ITGA2: variants seen among roughly 807,000 people sequenced by gnomAD.
ITGA2 encodes integrin alpha-2.
In ITGA2, 101 loss-of-function variants were observed where a neutral mutation model predicts 146.3. The ratio of observed to expected loss-of-function variants is 0.69; its 90% CI spans 0.59 to 0.81. The LOEUF is 0.81. Among genes scored for constraint, ITGA2 ranks in the 40% least tolerant of loss-of-function variants. ITGA2 has a pLI of 0.00. For missense variants in ITGA2, 1,281 were observed against 1,402.7 expected (o/e 0.91, Z 1.39); for synonymous variants, 477 against 487.1 (o/e 0.98, Z 0.27).
chr5:53,060,133 T>C (rs1213585377), intron 11 of ITGA2, 121 bp downstream of exon 11: 11 of 1,017,594 alleles, frequency 1.1e-5, no homozygotes. Flanking sequence ...ATCATATTTA[T>C]TACACATACA....
At chr5:53,016,111 G>C (rs1456019361) in intron 1 of ITGA2, among the ~76,000 whole-genome samples, 1 of 152,124 alleles carries the variant, frequency 6.6e-6, no homozygotes, top group African/African-American at 2.4e-5. Flanking sequence ...GATTTGTGCG[G>C]ATTTGATCCT....
At chr5:53,011,793 C>A (rs1299080053) in intron 1 of ITGA2, among the ~76,000 whole-genome samples, 1 of 151,706 alleles carries the variant, frequency 6.6e-6, no homozygotes, top group Non-Finnish European at 1.5e-5. Context: ...ACCAAGAAAA[C>A]CCGGACTCAG....
Position 53,093,731 on chromosome 5 carries a change from G to T in ITGA2, c.*3132G>T, listed in dbSNP as rs1304154575. The T allele has an allele frequency of 2.0e-5, 3 of 152,426 alleles. No individual in the cohort carries two copies. Among genetic ancestry groups the T allele is most frequent in the Admixed American group, 6.5e-5 (1 of 15,288 alleles). The allele number at this position is 152,426 out of a possible 1,614,324, so 9.4% of individuals were successfully genotyped here. ...TTAAAAGTAAGTAGAGGGCATAAAA[G>T]ATGTCATATTCAAATTTCCATTTCA... is the stretch of plus-strand genomic sequence containing the variant. On this transcript the variant is annotated 3_prime_UTR_variant, in exon 30 of 30. Coordinates refer to ENST00000296585, the MANE Select transcript of ITGA2 (RefSeq NM_002203.4).
intron 11 of ITGA2, 103 bp from the exon 12 acceptor site, chr5:53,060,798 A>T: frequency 9.0e-7 from 1 of 1,105,362 alleles, no homozygotes. Flanking sequence ...ACTTTGCATC[A>T]CATCTAACAC....
chr5:53,081,518 T>C, intron 25 of ITGA2, 74 bp from the exon 26 acceptor site: 1 of 1,171,742 alleles, frequency 8.5e-7, no homozygotes. Flanking sequence ...GACAGTAGGA[T>C]TTCCTAACAT....
intron 18 of ITGA2, 22 bp downstream of exon 18, chr5:53,072,070 T>A: frequency 6.7e-7 from 1 of 1,502,812 alleles, no homozygotes; most frequent in Non-Finnish European, 9.3e-7. Flanking sequence ...TTACACTTCC[T>A]GGATTTAGAC....
rs1406818321 is a variant in ITGA2, at chr5:53,093,501, T to G, written c.*2902T>G. ...TAGAAGGTATGTTTAGCAGCATTCCTGGCCTCTAGCTACCCGATGCCAGAG... is the reference window on the plus strand; with the variant it reads ...TAGAAGGTATGTTTAGCAGCATTCCGGGCCTCTAGCTACCCGATGCCAGAG... On this transcript the variant is annotated 3_prime_UTR_variant, in exon 30 of 30. Transcript: ENST00000296585. The G allele has an allele frequency of 1.3e-5, 1 of 79,204 alleles. No homozygotes were observed. The highest frequency in any genetic ancestry group is 4.0e-4 in the South Asian group (1 of 2,492). The allele number at this position is 79,204 out of a possible 1,614,324, so 4.9% of individuals were successfully genotyped here. A position where few individuals can be genotyped will look rare whatever the true frequency, so the allele number is the denominator to read the frequency against.
chr5:53,033,105 C>T (rs1364681976), intron 2 of ITGA2, among the ~76,000 whole-genome samples: 1 of 152,016 alleles, frequency 6.6e-6, no homozygotes, highest in Non-Finnish European at 1.5e-5. Flanking sequence ...CCATCTCTAC[C>T]AAAACCATAA....
chr5:53,052,202 A>G (rs139861312), intron 7 of ITGA2, among the ~76,000 whole-genome samples: 13 of 152,146 alleles, frequency 8.5e-5, no homozygotes, highest in African/African-American at 3.1e-4. Context: ...ACCCATATCT[A>G]CATTAGGTAC....
At chr5:53,088,671 G>C (rs1238444154) in intron 28 of ITGA2, among the ~76,000 whole-genome samples, 1 of 129,314 alleles carries the variant, frequency 7.7e-6, no homozygotes, top group African/African-American at 2.9e-5. Flanking sequence ...GTATAACAGA[G>C]AGAGACTCTG....
In ITGA2 at chr5:52,989,814, G is replaced by GCA. The variant is rs35389760; in HGVS notation, c.64+303_64+304dup. 0.26 allele frequency among the ~76,000 whole-genome samples: 37,564 copies of GCA among 145,558 alleles called. 4,743 individuals carry two copies. The highest frequency in any genetic ancestry group is 0.36 in the East Asian group (1,788 of 4,946). ...AGTGCTTTGTTTTAGGTACACACAC[G>GCA]CACACACACACACACACACACAGAC... On this transcript the variant is annotated intron_variant, in intron 1 of 29. Transcript: ENST00000296585.
chr5:53,080,658 C>A, intron 25 of ITGA2, 37 bp downstream of exon 25: 1 of 1,409,988 alleles, frequency 7.1e-7, no homozygotes, highest in Non-Finnish European at 1.0e-6. Flanking sequence ...TGTGTACTTT[C>A]AAGATGTAAA....
intron 23 of ITGA2, among the ~76,000 whole-genome samples, chr5:53,075,823 G>A (rs188282042): frequency 4.6e-5 from 7 of 152,036 alleles, no homozygotes; most frequent in Admixed American, 4.6e-4. Context: ...AGTTTCTGAG[G>A]GAAAAATTCC....
intron 1 of ITGA2, among the ~76,000 whole-genome samples, chr5:53,004,140 A>G (rs1279476781): frequency 6.6e-6 from 1 of 152,160 alleles, no homozygotes; most frequent in East Asian, 1.9e-4. Flanking sequence ...AGTGACAACC[A>G]AAAATATGCC....
At chr5:53,025,556 T>C (rs1742897944) in intron 1 of ITGA2, among the ~76,000 whole-genome samples, 1 of 152,214 alleles carries the variant, frequency 6.6e-6, no homozygotes, top group Non-Finnish European at 1.5e-5. Flanking sequence ...GACTTCATTA[T>C]CATTTTGGAG....
rs746246959 is a variant in ITGA2 at position 53,060,958 on chromosome 5, C to T, written c.1370C>T (p.Pro457Leu). The part of the protein sequence containing the change: ...GESTHFVAGA[P>L]RANYTGQIVL... ...AGCACTCACTTTGTTGCTGGTGCTC[C>T]TCGGGCAAATTATACCGGCCAGATA... is the stretch of plus-strand genomic sequence containing the variant. Residue 457 changes from proline to leucine, a missense_variant, in exon 12 of 30, where the codon CCT (proline) becomes CTT (leucine). Pro to Leu is a moderately conservative substitution (Grantham distance 98). Transcript: ENST00000296585. 8.7e-6 allele frequency: 14 copies of T among 1,612,454 alleles called. No individual in the cohort carries two copies. The highest frequency in any genetic ancestry group is 1.2e-5 in the Non-Finnish European group (14 of 1,178,966).
intron 7 of ITGA2, among the ~76,000 whole-genome samples, chr5:53,055,002 C>A (rs994600049): frequency 6.6e-6 from 1 of 152,014 alleles, no homozygotes; most frequent in African/African-American, 2.4e-5. Flanking sequence ...ATGCCTGTAC[C>A]TATATTACAT....
rs536293589 is a variant in ITGA2 at position 53,090,667 on chromosome 5, A to G, written c.*68A>G. The G allele has an allele frequency of 1.5e-4, 185 of 1,207,682 alleles. No homozygotes were observed. The African/African-American group carries it at 2.7e-3, about 17-fold the overall frequency. The allele number at this position is 1,207,682 out of a possible 1,614,324, so 74.8% of individuals were successfully genotyped here. On this transcript the variant is annotated 3_prime_UTR_variant, in exon 30 of 30. Coordinates refer to ENST00000296585, the MANE Select transcript of ITGA2 (RefSeq NM_002203.4). ...CAGGGTTTGCTGTTTGCGTGAATGG[A>G]TTTCTTTTTAAATCCCATATTTTTT...
Position 53,075,304 on chromosome 5 carries a change from G to T in ITGA2, c.2825G>T (p.Arg942Ile), listed in dbSNP as rs1020667872. ...LLYDAEIHLTRSTNINFYEIS... is the reference protein window; with the variant it reads ...LLYDAEIHLTISTNINFYEIS... ...TATGATGCTGAAATTCACTTAACAAGGTAGGTGAAGCAGTGGGTAACCTGC... is the reference window on the plus strand; with the variant it reads ...TATGATGCTGAAATTCACTTAACAATGTAGGTGAAGCAGTGGGTAACCTGC... Residue 942 changes from arginine to isoleucine, a missense_variant and splice_region_variant, in exon 23 of 30, where the codon AGA (arginine) becomes ATA (isoleucine). Physicochemically the swap from Arg to Ile is moderately conservative, Grantham distance 97 (BLOSUM62 -3). Transcript: ENST00000296585. The T allele has an allele frequency of 1.2e-6, 2 of 1,611,834 alleles. No individual in the cohort carries two copies. Among genetic ancestry groups the T allele is most frequent in the East Asian group, 2.2e-5 (1 of 44,702 alleles).
Sources: allele counts gnomAD v4.1 joint callset (sites outside exome capture counted in the v4.1 genomes callset), GRCh38; gene constraint gnomAD v4.1.1; transcripts MANE v1.5; gene names NCBI Gene and HGNC (gene_info 2026-07-23, HGNC 2026-07-21).